Variants in KCTD16 observed in about 807,000 individuals in gnomAD.
The protein encoded by KCTD16 is potassium channel tetramerization domain containing 16.
KCTD16 carries 13 observed loss-of-function variants against 33.2 expected under a neutral mutation model. That is an observed-to-expected ratio of 0.39 (90% confidence interval 0.25 to 0.62). KCTD16 has a LOEUF of 0.62. Among genes scored for constraint, KCTD16 ranks in the 20% least tolerant of loss-of-function variants. The pLI is 0.50. For missense variants in KCTD16, 441 were observed against 525.1 expected, an observed-to-expected ratio of 0.84 and a Z score of 1.57; for synonymous variants, 197 against 195.3, an observed-to-expected ratio of 1.01 and a Z score of -0.07.
At chr5:144,407,458 G>T (rs192136423) in intron 3 of KCTD16, among the ~76,000 whole-genome samples, 2 of 151,764 alleles carry the variant, frequency 1.3e-5, no homozygotes, top group Non-Finnish European at 2.9e-5. Context: ...TGGGGGTTTA[G>T]CGTACATATT....
intron 2 of KCTD16, among the ~76,000 whole-genome samples, chr5:144,201,294 C>T (rs544900883): frequency 6.6e-6 from 1 of 152,274 alleles, no homozygotes; most frequent in African/African-American, 2.4e-5. Context: ...TGATTATTTT[C>T]AGTTCCCCAC....
chr5:144,277,140 G>A (rs1561550955), intron 3 of KCTD16, among the ~76,000 whole-genome samples: 1 of 152,044 alleles, frequency 6.6e-6, no homozygotes, highest in Non-Finnish European at 1.5e-5. Flanking sequence ...TCCCTTAAGT[G>A]TTTCATTTCT....
intron 3 of KCTD16, among the ~76,000 whole-genome samples, chr5:144,407,719 G>GGT (rs1752843732): frequency 6.6e-6 from 1 of 151,964 alleles, no homozygotes; most frequent in Admixed American, 6.6e-5. Context: ...CACAGGCCCT[G>GGT]GTGTGTGTTG....
Position 144,484,847 on chromosome 5 carries a change from A to T in KCTD16, c.*10733A>T, listed in dbSNP as rs921000519. The stretch of plus-strand genomic sequence containing the variant: ...TTCCAATGCAGTTCGCTTGTACATA[A>T]ATGTAACGTCATATTGTTTACAGGT... On this transcript the variant is annotated 3_prime_UTR_variant, in exon 4 of 4. Transcript: ENST00000512467. 3 of 152,012 alleles carry T rather than the reference A, an allele frequency of 2.0e-5. No individual in the cohort carries two copies. Among genetic ancestry groups the T allele is most frequent in the Non-Finnish European group, 4.4e-5 (3 of 67,954 alleles). The allele number at this position is 152,012 out of a possible 1,614,324, so 9.4% of individuals were successfully genotyped here.
chr5:144,445,840 T>G (rs1298504389), intron 3 of KCTD16, among the ~76,000 whole-genome samples: 1 of 151,936 alleles, frequency 6.6e-6, no homozygotes, highest in Admixed American at 6.6e-5. Flanking sequence ...AAAAGAGTCC[T>G]GATAAGTCAG....
intron 3 of KCTD16, among the ~76,000 whole-genome samples, chr5:144,418,285 A>G (rs1753127761): frequency 6.6e-6 from 1 of 152,172 alleles, no homozygotes; most frequent in African/African-American, 2.4e-5. Flanking sequence ...GTGGGTTGCC[A>G]ACGGGGATTC....
chr5:144,174,461 G>C lies in KCTD16; in HGVS notation c.-338G>C, dbSNP rs556198533. ...TCCACAATGAAACCTGACAATAATG[G>C]TAAAAACCAATGTAAGTGCCAGTGT... On this transcript the variant is annotated 5_prime_UTR_variant, in exon 2 of 4. Transcript: ENST00000512467. 6.6e-6 allele frequency: 1 copy of C among 152,286 alleles called. No homozygotes were observed. The highest frequency in any genetic ancestry group is 6.5e-5 in the Admixed American group (1 of 15,292). 9.4% of individuals were successfully genotyped at this position (152,286 alleles called of 1,614,324 possible).
Position 144,483,266 on chromosome 5 carries a change from G to A in KCTD16, c.*9152G>A, listed in dbSNP as rs1390681517. On this transcript the variant is annotated 3_prime_UTR_variant, in exon 4 of 4. Transcript: ENST00000512467. Reference sequence around the variant, plus strand: ...AAATTCAATGGTTATTGCCCTAGTGGTGCTTCACTTACCTATTGGTTAATT... The same window carrying A: ...AAATTCAATGGTTATTGCCCTAGTGATGCTTCACTTACCTATTGGTTAATT... 1.3e-5 allele frequency: 2 copies of A among 151,728 alleles called. No individual in the cohort carries two copies. Among genetic ancestry groups the A allele is most frequent in the East Asian group, 1.9e-4 (1 of 5,146 alleles). The allele number at this position is 151,728 out of a possible 1,614,324, so 9.4% of individuals were successfully genotyped here.
chr5:144,395,901 G>A (rs535149792), intron 3 of KCTD16, among the ~76,000 whole-genome samples: 55 of 152,308 alleles, frequency 3.6e-4, no homozygotes, highest in African/African-American at 1.1e-3. Context: ...GCCGACTCTG[G>A]TCTGCTTCCT....
At chr5:144,205,634 T>C (rs1561528107) in intron 2 of KCTD16, 1 of 398,546 alleles carries the variant, frequency 2.5e-6, no homozygotes, top group Non-Finnish European at 4.4e-6. Context: ...TAAGTCCTGG[T>C]ACCTCTTGCA....
intron 3 of KCTD16, among the ~76,000 whole-genome samples, chr5:144,222,945 T>C (rs1303311245): frequency 6.6e-6 from 1 of 152,174 alleles, no homozygotes; most frequent in Admixed American, 6.5e-5. Flanking sequence ...ATATACAGCA[T>C]GGAACACTAT....
intron 3 of KCTD16, among the ~76,000 whole-genome samples, chr5:144,373,300 A>G (rs2126925380): frequency 6.6e-6 from 1 of 152,276 alleles, no homozygotes; most frequent in African/African-American, 2.4e-5. Context: ...ATGCAAATGA[A>G]GGACCCTGCT....
intron 3 of KCTD16, among the ~76,000 whole-genome samples, chr5:144,437,504 A>G (rs1471440314): frequency 6.6e-6 from 1 of 152,196 alleles, no homozygotes; most frequent in Non-Finnish European, 1.5e-5. Flanking sequence ...GAATGAGTCA[A>G]TATTTGTCAA....
At chr5:144,310,058 G>A (rs983566289) in intron 3 of KCTD16, among the ~76,000 whole-genome samples, 1 of 149,236 alleles carries the variant, frequency 6.7e-6, no homozygotes, top group African/African-American at 2.5e-5. Context: ...TAAATACTGT[G>A]TTGCCTTAAT....
chr5:144,190,235 A>G (rs1752814917), intron 2 of KCTD16, among the ~76,000 whole-genome samples: 2 of 152,166 alleles, frequency 1.3e-5, no homozygotes, highest in Admixed American at 6.5e-5. Flanking sequence ...GGCAGAGTCC[A>G]TGACTTATTT....
In KCTD16 at chr5:144,485,495, G is replaced by A. The variant is rs1189267074; in HGVS notation, c.*11381G>A. 6.6e-6 allele frequency: 1 copy of A among 151,792 alleles called. No homozygotes were observed. Among genetic ancestry groups the A allele is most frequent in the Non-Finnish European group, 1.5e-5 (1 of 67,856 alleles). 9.4% of individuals were successfully genotyped at this position (151,792 alleles called of 1,614,324 possible). A position where few individuals can be genotyped will look rare whatever the true frequency, so the allele number is the denominator to read the frequency against. ...ATGATACAGGTGCAGTATCAGTATT[G>A]TAAAATTGTATGGTGAAAACTACAA... On this transcript the variant is annotated 3_prime_UTR_variant, in exon 4 of 4. Transcript: ENST00000512467.
chr5:144,387,116 G>A (rs987853296), intron 3 of KCTD16, among the ~76,000 whole-genome samples: 9 of 149,016 alleles, frequency 6.0e-5, no homozygotes, highest in Non-Finnish European at 8.9e-5. Flanking sequence ...ACAGGCATGC[G>A]CCACCTCACC....
intron 3 of KCTD16, among the ~76,000 whole-genome samples, chr5:144,465,438 C>G (rs561054578): frequency 6.6e-6 from 1 of 152,206 alleles, no homozygotes; most frequent in African/African-American, 2.4e-5. Flanking sequence ...TTGTACCTTC[C>G]CAACTGTATA....
At chr5:144,177,435 A>G (rs1113686) in intron 2 of KCTD16, among the ~76,000 whole-genome samples, 23,235 of 152,194 alleles carry the variant, frequency 0.15, 1,947 homozygotes, top group Admixed American at 0.25. Flanking sequence ...TTATTGTCTT[A>G]GAGTTCTGGA....
Sources: gnomAD v4.1 joint callset for allele counts (sites outside exome capture counted in the v4.1 genomes callset) on GRCh38, gnomAD v4.1.1 for gene constraint, MANE v1.5 for transcripts, NCBI Gene and HGNC (gene_info 2026-07-23, HGNC 2026-07-21) for gene names.